Variants in SCAF8 observed in about 807,000 individuals in gnomAD.
The protein encoded by SCAF8 is SR-related and CTD-associated factor 8.
A neutral mutation model predicts 140.5 loss-of-function variants in SCAF8; 23 were observed. The ratio of observed to expected loss-of-function variants is 0.16; its 90% CI spans 0.12 to 0.23. The LOEUF is 0.23. Ranked by LOEUF, SCAF8 falls within the 10% of genes least tolerant of loss-of-function variation. SCAF8 has a pLI of 1.00. For missense variants in SCAF8, 1,397 were observed against 1,555.7 expected (o/e 0.90, Z 1.72); for synonymous variants, 575 against 528.9 (o/e 1.09, Z -1.20).
chr6:154,792,386 G>C (rs1777448598), intron 4 of SCAF8, among the ~76,000 whole-genome samples: 1 of 152,188 alleles, frequency 6.6e-6, no homozygotes, highest in Non-Finnish European at 1.5e-5. Flanking sequence ...CATTAGATAA[G>C]GACTTTGTCC....
intron 2 of SCAF8, among the ~76,000 whole-genome samples, chr6:154,776,334 TATCA>T (rs1188014965): frequency 2.6e-5 from 4 of 151,694 alleles, no homozygotes; most frequent in Admixed American, 2.0e-4. Flanking sequence ...CACTACATTT[TATCA>T]ATCAGATTTA....
At chr6:154,793,086 C>T (rs1777471603) in intron 5 of SCAF8, 110 bp downstream of exon 5, 1 of 671,908 alleles carries the variant, frequency 1.5e-6, no homozygotes, top group African/African-American at 1.9e-5. Flanking sequence ...TCCAGCATTA[C>T]ATAATTGAAA....
intron 1 of SCAF8, among the ~76,000 whole-genome samples, chr6:154,736,718 T>C (rs1778431877): frequency 6.6e-6 from 1 of 152,258 alleles, no homozygotes; most frequent in African/African-American, 2.4e-5. Context: ...AACATTTACA[T>C]GTGTAGATAG....
At chr6:154,749,734 A>G (rs895212553) in intron 1 of SCAF8, among the ~76,000 whole-genome samples, 10 of 152,252 alleles carry the variant, frequency 6.6e-5, no homozygotes, top group Admixed American at 5.2e-4. Flanking sequence ...AAGGGCCTTT[A>G]TATAGCATGC....
chr6:154,783,234 C>CT lies in SCAF8; in HGVS notation c.160-4620dup, dbSNP rs1777136575. 7.2e-5 allele frequency among the ~76,000 whole-genome samples: 11 copies of CT among 152,128 alleles called. No homozygotes were observed. The South Asian group carries it at 2.3e-3, about 32-fold the overall frequency. On this transcript the variant is annotated intron_variant, in intron 3 of 19. Transcript: ENST00000367178. ...TTTTTGTCTGTATGAAATCCCTTGC[C>CT]TTTTTTTGCATGAGTACTACAAGCA...
intron 3 of SCAF8, among the ~76,000 whole-genome samples, chr6:154,780,391 A>G (rs1364609707): frequency 1.4e-5 from 2 of 141,906 alleles, no homozygotes; most frequent in Admixed American, 7.5e-5. Context: ...GTTCTGGTAT[A>G]CAAGTGCAAA....
At chr6:154,773,961 G>A (rs1352058974) in intron 1 of SCAF8, 28 bp from the exon 2 acceptor site, 3 of 1,420,398 alleles carry the variant, frequency 2.1e-6, no homozygotes, top group African/African-American at 2.8e-5. Flanking sequence ...GAGTTTTGCT[G>A]TATGTAAATT....
At chr6:154,794,951 C>A (rs1777556069) in intron 5 of SCAF8, 58 bp from the exon 6 acceptor site, 6 of 1,447,312 alleles carry the variant, frequency 4.1e-6, no homozygotes, top group Admixed American at 2.4e-5. Flanking sequence ...TCTGCTTTTT[C>A]TAGTCTTAGT....
chr6:154,797,126 A>G (rs1467973125), intron 6 of SCAF8, among the ~76,000 whole-genome samples: 1 of 151,724 alleles, frequency 6.6e-6, no homozygotes, highest in Non-Finnish European at 1.5e-5. Flanking sequence ...AATATTTATG[A>G]TTAGAAACCA....
At chr6:154,811,104 T>C (rs1375572214) in intron 12 of SCAF8, among the ~76,000 whole-genome samples, 1 of 152,222 alleles carries the variant, frequency 6.6e-6, no homozygotes, top group Non-Finnish European at 1.5e-5. Context: ...GAATTTTACC[T>C]GGTTGTGAGA....
rs372358045 is a variant in SCAF8 at position 154,822,374 on chromosome 6, G to A, written c.1891G>A (p.Ala631Thr). 3.2e-4 allele frequency: 523 copies of A among 1,613,534 alleles called. 5 individuals are homozygous for A. In the South Asian group the frequency reaches 5.3e-3, roughly 16 times the overall value. The change falls in exon 16 of 20, where the codon GCA becomes ACA. Residue 631 changes from alanine to threonine, a missense_variant. By Grantham distance (58) the Ala-to-Thr change is moderately conservative (BLOSUM62 0). This residue lies in a region of SCAF8 where 930 missense variants were observed against 874.6 expected (regional missense o/e 1.06). Transcript: ENST00000367178. Reference sequence around the variant, plus strand: ...AAAGGAGACAGTGGTCACAACCCAGGCAGAGGTTTTCCCTCCTCCTGTTGC... The same window carrying A: ...AAAGGAGACAGTGGTCACAACCCAGACAGAGGTTTTCCCTCCTCCTGTTGC... The part of the protein sequence containing the change: ...VEKETVVTTQ[A>T]EVFPPPVAML...
intron 1 of SCAF8, among the ~76,000 whole-genome samples, chr6:154,770,386 A>ACTCTCTCTCTCTCTCTCTCTCTCT (rs1195298497): frequency 7.5e-6 from 1 of 133,428 alleles, no homozygotes; most frequent in African/African-American, 3.1e-5. Flanking sequence ...ACACACACAC[A>ACTCTCTCTCTCTCTCTCTCTCTCT]CACTCTCTCT....
chr6:154,809,664 C>CT (rs1346805458), intron 11 of SCAF8, among the ~76,000 whole-genome samples: 5 of 152,178 alleles, frequency 3.3e-5, no homozygotes, highest in Non-Finnish European at 5.9e-5. Context: ...GCCTAATGCT[C>CT]TGACACTTAA....
intron 6 of SCAF8, among the ~76,000 whole-genome samples, chr6:154,796,357 CTCTCT>C (rs1562450813): frequency 1.5e-4 from 17 of 113,356 alleles, no homozygotes; most frequent in African/African-American, 5.1e-4. Flanking sequence ...ATCCTGTTCT[CTCTCT>C]CTCTCTCTCT....
chr6:154,758,587 A>C (rs536320036), intron 1 of SCAF8, among the ~76,000 whole-genome samples: 1 of 152,152 alleles, frequency 6.6e-6, no homozygotes, highest in Non-Finnish European at 1.5e-5. Flanking sequence ...TAGGATTCCC[A>C]TTCATTCTCC....
chr6:154,809,132 C>G (rs1480270198), intron 11 of SCAF8, among the ~76,000 whole-genome samples: 1 of 152,066 alleles, frequency 6.6e-6, no homozygotes, highest in African/African-American at 2.4e-5. Flanking sequence ...TTCCTGGATT[C>G]CACTCATCTC....
chr6:154,832,608 A>G lies in SCAF8; in HGVS notation c.3029A>G (p.Gln1010Arg). 1 of 1,614,152 alleles carries G rather than the reference A, an allele frequency of 6.2e-7. No individual in the cohort carries two copies. Among genetic ancestry groups the G allele is most frequent in the South Asian group, 1.1e-5 (1 of 91,086 alleles). ...CCACTTGGGAATGATAACATTCAAC[A>G]GGAAGGAGATAGAGATTACCGGTTT... is the stretch of plus-strand genomic sequence containing the variant. Reference protein sequence around the residue: ...RIPLGNDNIQQEGDRDYRFPP... With the variant: ...RIPLGNDNIQREGDRDYRFPP... Residue 1010 changes from glutamine to arginine, a missense_variant, in exon 20 of 20, where the codon CAG (glutamine) becomes CGG (arginine). This residue lies in a region of SCAF8 where 930 missense variants were observed against 874.6 expected (regional missense o/e 1.06). Transcript: ENST00000367178.
Position 154,774,084 on chromosome 6 carries a change from A to G in SCAF8, c.114+12A>G. On this transcript the variant is annotated intron_variant, in intron 2 of 19. Transcript: ENST00000367178. ...TCAAAGCTATTAAGGTGAGTAATAAATTTTACTCTTCTATTTTCAAAAGAA... is the reference window on the plus strand; with the variant it reads ...TCAAAGCTATTAAGGTGAGTAATAAGTTTTACTCTTCTATTTTCAAAAGAA... The G allele has an allele frequency of 6.5e-7, 1 of 1,543,712 alleles. No individual in the cohort carries two copies. The highest frequency in any genetic ancestry group is 2.2e-5 in the East Asian group (1 of 44,532).
intron 1 of SCAF8, among the ~76,000 whole-genome samples, chr6:154,770,388 A>ACACACTCTCTCTCTCTCT (rs1384942827): frequency 1.4e-5 from 2 of 141,998 alleles, no homozygotes; most frequent in Non-Finnish European, 3.1e-5. Flanking sequence ...ACACACACAC[A>ACACACTCTCTCTCTCTCT]CTCTCTCTCT....
Sources: allele counts gnomAD v4.1 joint callset (sites outside exome capture counted in the v4.1 genomes callset), GRCh38; gene constraint gnomAD v4.1.1; regional missense constraint gnomAD v4.1.1; transcripts MANE v1.5; gene names NCBI Gene and HGNC (gene_info 2026-07-23, HGNC 2026-07-21).